Variants in PLD5 observed in about 807,000 individuals in gnomAD.
The protein encoded by PLD5 is phospholipase D family member 5.
In PLD5, 36 loss-of-function variants were observed where a neutral mutation model predicts 61.1. That is an observed-to-expected ratio of 0.59 (90% CI 0.45 to 0.78). PLD5 has a LOEUF of 0.78. Among genes scored for constraint, PLD5 ranks in the 30% least tolerant of loss-of-function variants. The pLI, the probability that PLD5 is intolerant of heterozygous loss-of-function variation, is 0.00. For missense variants in PLD5, 515 were observed against 644.4 expected (o/e 0.80, Z 2.17); for synonymous variants, 243 against 242.8 (o/e 1.00, Z -0.01).
intron 5 of PLD5, among the ~76,000 whole-genome samples, chr1:242,144,015 T>A (rs2574681): frequency 0.61 from 91,463 of 151,170 alleles, 28,376 homozygotes; most frequent in African/African-American, 0.74. Context: ...GACTACAGGC[T>A]CCCGCCACCA....
chr1:242,425,639 C>CTTTTTTTT (rs35709516), intron 1 of PLD5, among the ~76,000 whole-genome samples: 1 of 129,892 alleles, frequency 7.7e-6, no homozygotes, highest in Non-Finnish European at 1.6e-5. Context: ...CTTACTGTAA[C>CTTTTTTTT]TTTTTTTTTT....
chr1:242,493,719 G>A (rs1462393681), intron 1 of PLD5, among the ~76,000 whole-genome samples: 1 of 152,044 alleles, frequency 6.6e-6, no homozygotes, highest in African/African-American at 2.4e-5. Context: ...ATGCCCTCTG[G>A]GGCCTCCAGC....
chr1:242,440,097 G>A (rs887984837), intron 1 of PLD5, among the ~76,000 whole-genome samples: 6 of 152,202 alleles, frequency 3.9e-5, no homozygotes, highest in African/African-American at 1.4e-4. Context: ...TGGAGCTCCT[G>A]TCCTAAGATA....
At chr1:242,338,339 G>A (rs1659644359) in intron 2 of PLD5, among the ~76,000 whole-genome samples, 1 of 152,058 alleles carries the variant, frequency 6.6e-6, no homozygotes, top group African/African-American at 2.4e-5. Flanking sequence ...ATTACACATA[G>A]GGCCTCTTCC....
chr1:242,497,750 G>A (rs1045710040), intron 1 of PLD5, among the ~76,000 whole-genome samples: 10 of 152,126 alleles, frequency 6.6e-5, no homozygotes, highest in South Asian at 2.1e-4. Context: ...GCTTTCTATC[G>A]GGTCTTTATG....
intron 5 of PLD5, among the ~76,000 whole-genome samples, chr1:242,196,386 G>A (rs1052055795): frequency 6.6e-6 from 1 of 152,264 alleles, no homozygotes; most frequent in East Asian, 1.9e-4. Context: ...TACCCTGCAG[G>A]TGCAGGCTCG....
chr1:242,231,565 C>T (rs978190708), intron 4 of PLD5, among the ~76,000 whole-genome samples: 10 of 152,140 alleles, frequency 6.6e-5, no homozygotes, highest in African/African-American at 2.4e-4. Context: ...AATACATCAA[C>T]AGCTTAGAGG....
At chr1:242,327,303 G>T (rs1245202134) in intron 2 of PLD5, among the ~76,000 whole-genome samples, 1 of 152,124 alleles carries the variant, frequency 6.6e-6, no homozygotes, top group Non-Finnish European at 1.5e-5. Context: ...CACTGCACCA[G>T]CCTCATCTTT....
At chr1:242,418,091 G>T (rs1241961954) in intron 1 of PLD5, among the ~76,000 whole-genome samples, 1 of 152,144 alleles carries the variant, frequency 6.6e-6, no homozygotes, top group Non-Finnish European at 1.5e-5. Flanking sequence ...CTAGGATGTT[G>T]CATTAGAAGA....
chr1:242,216,760 A>C (rs1670230022), intron 5 of PLD5, among the ~76,000 whole-genome samples: 1 of 152,160 alleles, frequency 6.6e-6, no homozygotes, highest in Admixed American at 6.5e-5. Flanking sequence ...CTCATCCATC[A>C]CTGAGTTAGG....
intron 2 of PLD5, among the ~76,000 whole-genome samples, chr1:242,316,236 G>A (rs1558457581): frequency 6.6e-6 from 1 of 152,146 alleles, no homozygotes; most frequent in South Asian, 2.1e-4. Flanking sequence ...CACAAAGCAC[G>A]CATAAAATGA....
chr1:242,124,680 T>C lies in PLD5; in HGVS notation c.736-15A>G. 1 of 1,603,840 alleles carries C rather than the reference T, an allele frequency of 6.2e-7. No individual in the cohort carries two copies. Among genetic ancestry groups the C allele is most frequent in the South Asian group, 1.1e-5 (1 of 90,374 alleles). On this transcript the variant is annotated splice_polypyrimidine_tract_variant and intron_variant, in intron 5 of 9. Coordinates refer to ENST00000536534, the MANE Select transcript of PLD5 (RefSeq NM_001372062.1). ...AGTTCTTTCATCTGTGAAATTAAAA[T>C]TGAAAGCATCAATGCCATGTGTGTC...
chr1:242,395,353 C>T (rs1441155406), intron 1 of PLD5, among the ~76,000 whole-genome samples: 1 of 152,016 alleles, frequency 6.6e-6, no homozygotes. Context: ...AAAAACAGAT[C>T]CCATTGCTTC....
Position 242,345,526 on chromosome 1 carries a change from G to T in PLD5, c.326+2580C>A, listed in dbSNP as rs541695423. ...CAAGGGATGAGATGGATGGGTGGAGGTCTGTTAGCCAGGCACAAAAGGCTC... is the reference window on the plus strand; with the variant it reads ...CAAGGGATGAGATGGATGGGTGGAGTTCTGTTAGCCAGGCACAAAAGGCTC... On this transcript the variant is annotated intron_variant, in intron 2 of 9. Transcript: ENST00000536534. The T allele has an allele frequency of 1.1e-4, 96 of 844,012 alleles. 1 individual carries two copies. The South Asian group carries it at 1.2e-3, about 11-fold the overall frequency. The allele number at this position is 844,012 out of a possible 1,614,324, so 52.3% of individuals were successfully genotyped here. A position where few individuals can be genotyped will look rare whatever the true frequency, so the allele number is the denominator to read the frequency against.
upstream of PLD5, among the ~76,000 whole-genome samples, chr1:242,525,198 G>A (rs928050713): frequency 6.6e-6 from 1 of 152,192 alleles, no homozygotes; most frequent in East Asian, 1.9e-4. Flanking sequence ...AGCCGTACAC[G>A]CTACTTTCAT....
intron 1 of PLD5, among the ~76,000 whole-genome samples, chr1:242,358,333 C>T (rs923169259): frequency 3.2e-4 from 48 of 151,826 alleles, no homozygotes; most frequent in African/African-American, 1.1e-3. Flanking sequence ...TCCTGCATTG[C>T]TGTTTATGCA....
chr1:242,295,066 C>T (rs554688731), intron 2 of PLD5, among the ~76,000 whole-genome samples: 1 of 152,268 alleles, frequency 6.6e-6, no homozygotes, highest in East Asian at 1.9e-4. Flanking sequence ...GATCTCGGCT[C>T]ATCAATACAG....
intron 5 of PLD5, among the ~76,000 whole-genome samples, chr1:242,152,062 G>A (rs1471632509): frequency 2.6e-5 from 4 of 151,670 alleles, no homozygotes; most frequent in African/African-American, 7.3e-5. Context: ...TTATCATGCA[G>A]TTTGTGGTTC....
At chr1:242,499,263 T>C (rs1321840288) in intron 1 of PLD5, among the ~76,000 whole-genome samples, 1 of 152,202 alleles carries the variant, frequency 6.6e-6, no homozygotes, top group Non-Finnish European at 1.5e-5. Flanking sequence ...ACATAGTTAC[T>C]TCTTTTCTCA....
Sources: gnomAD v4.1 joint callset for allele counts (sites outside exome capture counted in the v4.1 genomes callset) on GRCh38, gnomAD v4.1.1 for gene constraint, MANE v1.5 for transcripts, NCBI Gene and HGNC (gene_info 2026-07-23, HGNC 2026-07-21) for gene names.